The following ARSH variants were observed in gnomAD, a reference collection of about 807,000 sequenced individuals.
ARSH encodes the protein arylsulfatase H.
ARSH carries 32 observed loss-of-function variants against 28.7 expected under a neutral mutation model. The observed-to-expected ratio is 1.11, with a 90% CI of 0.84 to 1.50. The LOEUF (loss-of-function observed/expected upper bound fraction) is 1.50, where lower values mean the gene tolerates loss of function less well. Ranked by LOEUF, ARSH falls within the 40% of genes most tolerant of loss-of-function variation. ARSH has a pLI of 0.00. For synonymous variants in ARSH, 176 were observed against 177.3 expected, an observed-to-expected ratio of 0.99 and a Z score of 0.06; for missense variants, 440 against 452.4, an observed-to-expected ratio of 0.97 and a Z score of 0.25.
At position 3,015,216 on chromosome X, in the gene ARSH, T is replaced by C; in HGVS notation, c.587T>C (p.Val196Ala). 8.3e-7 allele frequency: 1 copy of C among 1,210,904 alleles called. No homozygotes were observed. Among genetic ancestry groups the C allele is most frequent in the Non-Finnish European group, 1.1e-6 (1 of 895,162 alleles). Residue 196 changes from valine to alanine, a missense_variant, in exon 4 of 9, where the codon GTC becomes GCC. Physicochemically the swap from Val to Ala is moderately conservative, Grantham distance 64 (BLOSUM62 0). Transcript: ENST00000381130. ...FARWFSVPWK[V>A]IFVFALLAFL... ...CGCTGGTTCTCAGTGCCATGGAAGG[T>C]CATCTTTGTCTTTGCTCTCCTCGCC...
chrX:3,012,590 T>TTATATA (rs2089852817), intron 2 of ARSH, among the ~76,000 whole-genome samples: 4 of 23,412 alleles, frequency 1.7e-4, no homozygotes, highest in Non-Finnish European at 2.5e-4. Flanking sequence ...TATATATATA[T>TTATATA]ATATATATAA....
intron 7 of ARSH, 43 bp from the exon 8 acceptor site, chrX:3,029,204 A>C: frequency 8.5e-7 from 1 of 1,178,100 alleles, no homozygotes. Flanking sequence ...TGACTGAACC[A>C]TGCCTCTCTC....
chrX:3,016,401 AT>A (rs1035305180), intron 4 of ARSH, among the ~76,000 whole-genome samples: 8 of 110,355 alleles, frequency 7.2e-5, no homozygotes, highest in Admixed American at 5.8e-4. Context: ...GGGGGGTAAA[AT>A]TTTTTTTCTC....
chrX:3,032,908 A>G, intron 8 of ARSH, 110 bp from the exon 9 acceptor site: 1 of 801,461 alleles, frequency 1.2e-6, no homozygotes, highest in Admixed American at 3.0e-5. Context: ...TGCTGTGCAG[A>G]AGAGTATTAT....
At chrX:3,023,218 TATC>T (rs985325080) in intron 5 of ARSH, among the ~76,000 whole-genome samples, 12 of 104,247 alleles carry the variant, frequency 1.2e-4, no homozygotes, top group East Asian at 2.9e-4. Flanking sequence ...ATGTGACACA[TATC>T]ATTCAATTAT....
In ARSH at chrX:3,029,248, G is replaced by A; in HGVS notation, c.1201G>A (p.Val401Met). The A allele has an allele frequency of 8.3e-7, 1 of 1,209,760 alleles. No individual in the cohort carries two copies. Among genetic ancestry groups the A allele is most frequent in the Middle Eastern group, 2.3e-4 (1 of 4,349 alleles). The stretch of plus-strand genomic sequence containing the variant: ...CTACACACCCCCTTCTCTCCCAAGA[G>A]TGATTGACGGCCAGAACCTAATGCC... ...IGGGILSQDR[V>M]IDGQNLMPLL... The change falls in exon 8 of 9, where the codon GTG becomes ATG. Residue 401 changes from valine (V) to methionine (M), a missense_variant and splice_region_variant. By Grantham distance (21) the Val-to-Met change is conservative. Transcript: ENST00000381130.
intron 4 of ARSH, 60 bp downstream of exon 4, chrX:3,015,453 G>T: frequency 9.3e-7 from 1 of 1,078,310 alleles, no homozygotes; most frequent in African/African-American, 1.8e-5. Flanking sequence ...TTTCATAGGA[G>T]GTCATCACAC....
At chrX:3,032,825 A>G (rs774515675) in intron 8 of ARSH, among the ~76,000 whole-genome samples, 193 bp from the exon 9 acceptor site, 1 of 112,160 alleles carries the variant, frequency 8.9e-6, no homozygotes, top group East Asian at 2.8e-4. Flanking sequence ...AAGATTTCTA[A>G]AAATGTCTGC....
At chrX:3,020,397 G>T (rs1327209238) in intron 5 of ARSH, among the ~76,000 whole-genome samples, 4 of 106,079 alleles carry the variant, frequency 3.8e-5, no homozygotes, top group Non-Finnish European at 3.9e-5. Context: ...AGACCATCCT[G>T]GCTAACACGG....
At chrX:3,017,859 A>G (rs1342880541) in intron 4 of ARSH, among the ~76,000 whole-genome samples, 1 of 112,543 alleles carries the variant, frequency 8.9e-6, no homozygotes, top group Non-Finnish European at 1.9e-5. Flanking sequence ...ACTCATACCT[A>G]AAAGAACACT....
chrX:3,006,754 A>G (rs779499089), intron 1 of ARSH, 50 bp downstream of exon 1: 2 of 1,020,493 alleles, frequency 2.0e-6, no homozygotes, highest in African/African-American at 3.8e-5. Flanking sequence ...CTCCCTTACC[A>G]CAGTGTTCAC....
chrX:3,032,698 A>G (rs747706024), intron 8 of ARSH, among the ~76,000 whole-genome samples: 2 of 112,132 alleles, frequency 1.8e-5, no homozygotes, highest in South Asian at 3.7e-4. Context: ...TTAGCCTTGG[A>G]TCATTTTTAA....
chrX:3,012,612 ATGTG>A (rs201348372), intron 2 of ARSH, among the ~76,000 whole-genome samples: 910 of 32,176 alleles, frequency 0.028, 46 homozygotes, highest in African/African-American at 0.1. Flanking sequence ...ATATATATGT[ATGTG>A]TATATACACA....
chrX:3,032,607 C>T (rs768544973), intron 8 of ARSH, among the ~76,000 whole-genome samples: 5 of 109,884 alleles, frequency 4.6e-5, no homozygotes, highest in Non-Finnish European at 7.6e-5. Context: ...GAGGGAGAGA[C>T]AGAAGAGGGA....
In ARSH at chrX:3,024,063, A is replaced by G. The variant is rs1318541080; in HGVS notation, c.944A>G (p.His315Arg). The change falls in exon 6 of 9, where the codon CAC becomes CGC. Residue 315 changes from histidine (H) to arginine (R), a missense_variant. By Grantham distance (29) the His-to-Arg change is conservative. Coordinates refer to ENST00000381130, the MANE Select transcript of ARSH (RefSeq NM_001011719.2). ...CTGGACCAGGAGCGCCTGGCCAACC[A>G]CACCTTGGTGTACTTCACCTCTGAC... Reference protein sequence around the residue: ...DALDQERLANHTLVYFTSDNG... With the variant: ...DALDQERLANRTLVYFTSDNG... 8.3e-7 allele frequency: 1 copy of G among 1,209,439 alleles called. No homozygotes were observed. Among genetic ancestry groups the G allele is most frequent in the Admixed American group, 2.2e-5 (1 of 45,726 alleles).
chrX:3,029,875 C>T (rs1226124141), intron 8 of ARSH, among the ~76,000 whole-genome samples: 1 of 110,633 alleles, frequency 9.0e-6, no homozygotes, highest in South Asian at 3.9e-4. Context: ...GAGATTTGTG[C>T]CCAAAGGGTT....
At chrX:3,006,972 C>T (rs755503762) in intron 1 of ARSH, among the ~76,000 whole-genome samples, 29 of 110,700 alleles carry the variant, frequency 2.6e-4, no homozygotes, top group Middle Eastern at 4.6e-3. Flanking sequence ...TCAGGCATGG[C>T]GGCTCAAGCC....
chrX:3,022,693 C>T (rs1267308451), intron 5 of ARSH, among the ~76,000 whole-genome samples: 1 of 111,977 alleles, frequency 8.9e-6, no homozygotes, highest in African/African-American at 3.2e-5. Context: ...GGATTGTCAA[C>T]ACATTAAAGA....
intron 7 of ARSH, 69 bp downstream of exon 7, chrX:3,027,544 T>A (rs754536275): frequency 2.0e-5 from 21 of 1,054,947 alleles, no homozygotes; most frequent in Non-Finnish European, 2.7e-5. Context: ...ACTTGATAAT[T>A]CTATGTGTGT....
Sources: allele counts gnomAD v4.1 joint callset (sites outside exome capture counted in the v4.1 genomes callset), GRCh38; gene constraint gnomAD v4.1.1; transcripts MANE v1.5; gene names NCBI Gene and HGNC (gene_info 2026-07-23, HGNC 2026-07-21).